ATRN: variants seen among roughly 807,000 people sequenced by gnomAD.
ATRN encodes attractin-2.
Under a neutral mutation model 178.7 loss-of-function variants are expected in ATRN, and 54 were observed. That is an observed-to-expected ratio of 0.30 (90% CI 0.24 to 0.38). The LOEUF (loss-of-function observed/expected upper bound fraction) is 0.38, where lower values mean the gene tolerates loss of function less well. Among genes scored for constraint, ATRN ranks in the 10% least tolerant of loss-of-function variants. ATRN has a pLI of 1.00. For missense variants in ATRN, 1,443 were observed against 1,815.1 expected (o/e 0.79, Z 3.73); for synonymous variants, 636 against 663.0 (o/e 0.96, Z 0.63).
chr20:3,477,928 A>T (rs547931445), intron 1 of ATRN, among the ~76,000 whole-genome samples: 1 of 152,292 alleles, frequency 6.6e-6, no homozygotes, highest in African/African-American at 2.4e-5. Flanking sequence ...ATCATGTATA[A>T]CACCAAACTT....
chr20:3,520,640 G>A (rs959731459), intron 1 of ATRN, among the ~76,000 whole-genome samples: 2 of 152,078 alleles, frequency 1.3e-5, no homozygotes, highest in Non-Finnish European at 2.9e-5. Context: ...GATTATAGGA[G>A]TGTGCCACCA....
intron 1 of ATRN, among the ~76,000 whole-genome samples, chr20:3,502,223 AAG>A (rs995744085): frequency 5.3e-5 from 8 of 152,194 alleles, no homozygotes; most frequent in African/African-American, 1.9e-4. Flanking sequence ...GCTGAAAATG[AAG>A]AGAGAAAACA....
chr20:3,629,447 A>C (rs1383255248), intron 25 of ATRN, among the ~76,000 whole-genome samples: 1 of 152,162 alleles, frequency 6.6e-6, no homozygotes, highest in African/African-American at 2.4e-5. Context: ...CACTCTTCTC[A>C]CTACCCTTCA....
At chr20:3,497,465 T>C (rs1270028399) in intron 1 of ATRN, among the ~76,000 whole-genome samples, 1 of 152,172 alleles carries the variant, frequency 6.6e-6, no homozygotes, top group Non-Finnish European at 1.5e-5. Flanking sequence ...AAAATTCTTT[T>C]CTTTAAGATT....
At chr20:3,610,423 A>G (rs1193083923) in intron 24 of ATRN, among the ~76,000 whole-genome samples, 1 of 151,948 alleles carries the variant, frequency 6.6e-6, no homozygotes, top group Non-Finnish European at 1.5e-5. Flanking sequence ...TTAGGATTTG[A>G]TTTTGTTTGT....
intron 1 of ATRN, among the ~76,000 whole-genome samples, chr20:3,514,630 G>A (rs957909977): frequency 2.0e-5 from 3 of 152,104 alleles, no homozygotes; most frequent in Non-Finnish European, 2.9e-5. Flanking sequence ...AATTCAATAC[G>A]TTAATGATAA....
intron 22 of ATRN, among the ~76,000 whole-genome samples, chr20:3,599,994 AT>A (rs1335787819): frequency 6.6e-6 from 1 of 152,244 alleles, no homozygotes; most frequent in Non-Finnish European, 1.5e-5. Context: ...ACCCTTAAAA[AT>A]CTTATTCTAA....
At chr20:3,577,121 A>G (rs925172867) in intron 14 of ATRN, 124 bp downstream of exon 14, 2 of 1,214,628 alleles carry the variant, frequency 1.6e-6, no homozygotes, top group Non-Finnish European at 2.3e-6. Flanking sequence ...TTCATCCCCC[A>G]CACGAGTATT....
At chr20:3,475,064 A>G (rs925877224) in intron 1 of ATRN, among the ~76,000 whole-genome samples, 2 of 151,774 alleles carry the variant, frequency 1.3e-5, no homozygotes, top group African/African-American at 2.4e-5. Context: ...ATTTAGTCCA[A>G]GTATTCTTTT....
At chr20:3,597,822 T>G in intron 21 of ATRN, 84 bp from the exon 22 acceptor site, 1 of 827,246 alleles carries the variant, frequency 1.2e-6, no homozygotes, top group Admixed American at 2.3e-5. Flanking sequence ...ACTTAATTTA[T>G]AAGAAAAGCA....
At position 3,650,726 on chromosome 20, in the gene ATRN, G is replaced by C. The variant is rs1039908213; in HGVS notation, c.*3879G>C. On this transcript the variant is annotated 3_prime_UTR_variant, in exon 29 of 29. Coordinates refer to ENST00000262919, the MANE Select transcript of ATRN (RefSeq NM_139321.3). Reference sequence around the variant, plus strand: ...ATTGATTTTCAGTAACTGAATTTGTGCACAAAACATTCTAAACACTAGTGA... The same window carrying C: ...ATTGATTTTCAGTAACTGAATTTGTCCACAAAACATTCTAAACACTAGTGA... 1.3e-5 allele frequency: 2 copies of C among 152,640 alleles called. No homozygotes were observed. Among genetic ancestry groups the C allele is most frequent in the East Asian group, 1.9e-4 (1 of 5,204 alleles). The allele number at this position is 152,640 out of a possible 1,614,324, so 9.5% of individuals were successfully genotyped here.
chr20:3,582,163 G>A lies in ATRN; in HGVS notation c.2573G>A (p.Gly858Asp). Residue 858 changes from glycine (G) to aspartate (D), a missense_variant, in exon 16 of 29, where the codon GGC (glycine) becomes GAC (aspartate). Physicochemically the swap from Gly to Asp is moderately conservative, Grantham distance 94 (BLOSUM62 -1). Around this residue, in one of 4 missense-constraint regions of ATRN, gnomAD observed 212 missense variants for 330.7 expected, o/e 0.64. Coordinates refer to ENST00000262919, the MANE Select transcript of ATRN (RefSeq NM_139321.3). ...MSKLTLTPWVGLRKINVSYWC... is the reference protein window; with the variant it reads ...MSKLTLTPWVDLRKINVSYWC... Reference sequence around the variant, plus strand: ...AAGCTCACCTTAACCCCATGGGTCGGCCTTCGGAAGATCAATGTGTCCTAC... The same window carrying A: ...AAGCTCACCTTAACCCCATGGGTCGACCTTCGGAAGATCAATGTGTCCTAC... 1.2e-6 allele frequency: 2 copies of A among 1,614,134 alleles called. No homozygotes were observed. Among genetic ancestry groups the A allele is most frequent in the Non-Finnish European group, 1.7e-6 (2 of 1,179,998 alleles).
At chr20:3,626,249 A>AAG in intron 25 of ATRN, among the ~76,000 whole-genome samples, 1 of 151,956 alleles carries the variant, frequency 6.6e-6, no homozygotes. Flanking sequence ...AAAAAAAAAA[A>AAG]AAGTCTGACT....
At chr20:3,531,174 C>T (rs542051355) in intron 1 of ATRN, among the ~76,000 whole-genome samples, 1 of 152,150 alleles carries the variant, frequency 6.6e-6, no homozygotes, top group East Asian at 1.9e-4. Context: ...TTTTAGTAAC[C>T]ACTTGTTGGC....
At chr20:3,595,124 T>C (rs2086508623) in intron 20 of ATRN, among the ~76,000 whole-genome samples, 1 of 152,234 alleles carries the variant, frequency 6.6e-6, no homozygotes, top group Non-Finnish European at 1.5e-5. Flanking sequence ...GTTTCAGACC[T>C]GGCCCTGCCT....
chr20:3,521,053 C>T (rs187246360), intron 1 of ATRN, among the ~76,000 whole-genome samples: 1 of 152,138 alleles, frequency 6.6e-6, no homozygotes, highest in Admixed American at 6.6e-5. Context: ...ACAATGAATA[C>T]ATGTGGACAC....
At chr20:3,485,263 G>A (rs1377120769) in intron 1 of ATRN, among the ~76,000 whole-genome samples, 1 of 152,140 alleles carries the variant, frequency 6.6e-6, no homozygotes, top group East Asian at 1.9e-4. Flanking sequence ...TGATAGTCAT[G>A]CTGCCAATAA....
At chr20:3,590,826 A>G (rs1260149880) in intron 18 of ATRN, among the ~76,000 whole-genome samples, 1 of 152,182 alleles carries the variant, frequency 6.6e-6, no homozygotes, top group Non-Finnish European at 1.5e-5. Flanking sequence ...TCAAATGTGA[A>G]CAGTGGTCTC....
intron 26 of ATRN, among the ~76,000 whole-genome samples, chr20:3,636,611 G>A (rs1339442483): frequency 6.6e-6 from 1 of 152,168 alleles, no homozygotes; most frequent in Non-Finnish European, 1.5e-5. Flanking sequence ...AAAAATTCCA[G>A]GCACTGAGTT....
Sources: allele counts gnomAD v4.1 joint callset (sites outside exome capture counted in the v4.1 genomes callset), GRCh38; gene constraint gnomAD v4.1.1; regional missense constraint gnomAD v4.1.1; transcripts MANE v1.5; gene names NCBI Gene and HGNC (gene_info 2026-07-23, HGNC 2026-07-21).